CDKN2B-AS1: variants seen among roughly 807,000 people sequenced by gnomAD.
CDKN2B-AS1 encodes the protein CDKN2B and CDKN2A antisense cis and trans regulatory RNA 1, also known as CDKN2B antisense RNA 1 (non-protein coding).
chr9:22,045,622 G>A (rs1356827474), intron 1 of CDKN2B-AS1, among the ~76,000 whole-genome samples: 2 of 152,048 alleles, frequency 1.3e-5, no homozygotes, highest in Non-Finnish European at 2.9e-5. Flanking sequence ...GGCAGCTGTG[G>A]TGCTGATGGA....
intron 4 of CDKN2B-AS1, among the ~76,000 whole-genome samples, chr9:22,059,654 C>T (rs1823728280): frequency 6.6e-6 from 1 of 152,218 alleles, no homozygotes; most frequent in Non-Finnish European, 1.5e-5. Flanking sequence ...TAGGCAGTGC[C>T]TAGGGACTGT....
At chr9:22,081,228 C>G (rs910258128) in intron 4 of CDKN2B-AS1, among the ~76,000 whole-genome samples, 1 of 150,484 alleles carries the variant, frequency 6.6e-6, no homozygotes, top group South Asian at 2.1e-4. Context: ...GGGTTGTGCC[C>G]CAAGTTACTT....
At chr9:22,073,867 A>ATTT (rs567089131) in intron 4 of CDKN2B-AS1, among the ~76,000 whole-genome samples, 2,890 of 145,178 alleles carry the variant, frequency 0.02, 90 homozygotes, top group African/African-American at 0.067. Context: ...TACCTAGATA[A>ATTT]TTTTTTTTTT....
chr9:22,038,866 C>G lies in CDKN2B-AS1; in HGVS notation n.30-7885C>G. On this transcript the variant is annotated intron_variant and non_coding_transcript_variant, in intron 1 of 4. Transcript: ENST00000650946. ...CAACTGCTTATCTCCTTTTGTACTA[C>G]AAGCAATATCTGGTATAGTGTATGC... 2.0e-5 allele frequency among the ~76,000 whole-genome samples: 3 copies of G among 152,108 alleles called. 1 individual carries two copies. The East Asian group carries it at 5.8e-4, about 29-fold the overall frequency.
rs1360360451 is a variant in CDKN2B-AS1 at position 22,039,140 on chromosome 9, C to G, written n.30-7611C>G. Among the ~76,000 whole-genome samples, 1 of 151,958 alleles carries G rather than the reference C, an allele frequency of 6.6e-6. No homozygotes were observed. Among genetic ancestry groups the G allele is most frequent in the South Asian group, 2.1e-4 (1 of 4,814 alleles). ...TTAAAAATATTCAAAATGACAAAAA[C>G]TTAAAATGACATCTAATTTTTTAAG... On this transcript the variant is annotated intron_variant and non_coding_transcript_variant, in intron 1 of 4. Transcript: ENST00000650946. This position sits in a 1 kb window ranked among gnomAD's most constrained non-coding sequence, Gnocchi z 4.4.
At chr9:22,015,076 G>A (rs1821681812) in intron 1 of CDKN2B-AS1, among the ~76,000 whole-genome samples, 2 of 152,132 alleles carry the variant, frequency 1.3e-5, no homozygotes, top group South Asian at 4.2e-4. Context: ...ACATACGTGT[G>A]CATGTGTCTT....
At chr9:22,067,523 A>G (rs1031961120) in intron 4 of CDKN2B-AS1, among the ~76,000 whole-genome samples, 3 of 151,598 alleles carry the variant, frequency 2.0e-5, no homozygotes, top group African/African-American at 7.2e-5. Context: ...AAAAATAAAA[A>G]GAACACACAC....
At chr9:22,026,300 T>C (rs888504307) in intron 1 of CDKN2B-AS1, among the ~76,000 whole-genome samples, 1 of 151,022 alleles carries the variant, frequency 6.6e-6, no homozygotes, top group Non-Finnish European at 1.5e-5. Context: ...CACTGGCAGG[T>C]GTGGCTGGAG....
intron 1 of CDKN2B-AS1, among the ~76,000 whole-genome samples, chr9:22,019,125 G>C (rs1821913949): frequency 6.6e-6 from 1 of 152,168 alleles, no homozygotes; most frequent in Admixed American, 6.5e-5. Flanking sequence ...TAGGGATGGA[G>C]GAAAACATTG....
intron 1 of CDKN2B-AS1, among the ~76,000 whole-genome samples, chr9:22,031,871 G>C (rs1822486598): frequency 6.6e-6 from 1 of 152,196 alleles, no homozygotes; most frequent in African/African-American, 2.4e-5. Flanking sequence ...TGCTGGTTTT[G>C]ATGAAGCAGG....
intron 1 of CDKN2B-AS1, among the ~76,000 whole-genome samples, chr9:22,013,435 G>T (rs555825932): frequency 2.0e-5 from 3 of 152,136 alleles, no homozygotes; most frequent in Admixed American, 6.5e-5. Flanking sequence ...ACAGTCTCTT[G>T]TATCTCTCTC....
At chr9:22,105,627 G>A (rs1018230422) in intron 4 of CDKN2B-AS1, among the ~76,000 whole-genome samples, 1 of 152,156 alleles carries the variant, frequency 6.6e-6, no homozygotes, top group African/African-American at 2.4e-5. Flanking sequence ...TTGTGACCAA[G>A]CCTTGGAAAT....
At chr9:22,059,482 G>A (rs1295254811) in intron 4 of CDKN2B-AS1, among the ~76,000 whole-genome samples, 2 of 152,202 alleles carry the variant, frequency 1.3e-5, no homozygotes, top group African/African-American at 4.8e-5. Flanking sequence ...ATGGTCTTGG[G>A]CAGCTCCGTC....
At chr9:22,105,820 A>C (rs1050898514) in intron 4 of CDKN2B-AS1, among the ~76,000 whole-genome samples, 1 of 152,194 alleles carries the variant, frequency 6.6e-6, no homozygotes, top group African/African-American at 2.4e-5. Flanking sequence ...GTCATAAAAA[A>C]CAGATTAGGA....
chr9:22,075,048 A>G (rs991478404), intron 4 of CDKN2B-AS1, among the ~76,000 whole-genome samples: 1 of 152,258 alleles, frequency 6.6e-6, no homozygotes, highest in African/African-American at 2.4e-5. Context: ...CATTCATGGT[A>G]GCAATATACA....
chr9:22,017,459 CT>C (rs1473849610), intron 1 of CDKN2B-AS1, among the ~76,000 whole-genome samples: 1 of 152,166 alleles, frequency 6.6e-6, no homozygotes, highest in Non-Finnish European at 1.5e-5. Flanking sequence ...CAAGTTTGAG[CT>C]TTTTCAGGTG....
chr9:22,118,289 C>T (rs557995126), intron 4 of CDKN2B-AS1: 7 of 152,116 alleles, frequency 4.6e-5, no homozygotes, highest in African/African-American at 1.7e-4. Context: ...GAAAGAGAGA[C>T]ACACAGAGAG....
intron 4 of CDKN2B-AS1, among the ~76,000 whole-genome samples, chr9:22,093,715 T>C (rs2131345621): frequency 1.4e-5 from 2 of 143,996 alleles, no homozygotes; most frequent in East Asian, 3.9e-4. Flanking sequence ...TGTGTGTTTC[T>C]GCACATGAGA....
chr9:22,007,524 A>G (rs1821252230), intron 1 of CDKN2B-AS1, among the ~76,000 whole-genome samples: 1 of 152,240 alleles, frequency 6.6e-6, no homozygotes, highest in South Asian at 2.1e-4. Context: ...AAAGTCAATT[A>G]TAAGACAATT....
Sources: gnomAD v4.1 joint callset for allele counts (sites outside exome capture counted in the v4.1 genomes callset) on GRCh38, gnomAD v4.1.1 for gene constraint, Gnocchi (gnomAD v3.1) non-coding constraint, MANE v1.5 for transcripts, NCBI Gene and HGNC (gene_info 2026-07-23, HGNC 2026-07-21) for gene names.